CAMTA1: variants seen among roughly 807,000 people sequenced by gnomAD.
CAMTA1 encodes calmodulin-binding transcription activator 1.
Under a neutral mutation model 170.9 loss-of-function variants are expected in CAMTA1, and 27 were observed. The observed-to-expected ratio is 0.16, with a 90% CI of 0.12 to 0.22. CAMTA1 has a LOEUF of 0.22. Among genes scored for constraint, CAMTA1 ranks in the 10% least tolerant of loss-of-function variants. The pLI, the probability that CAMTA1 is intolerant of heterozygous loss-of-function variation, is 1.00. For synonymous variants in CAMTA1, 833 were observed against 891.5 expected (o/e 0.93, Z 1.17); for missense variants, 1,619 against 2,217.2 (o/e 0.73, Z 5.42).
chr1:6,856,990 A>G (rs1662670238), intron 3 of CAMTA1, among the ~76,000 whole-genome samples: 2 of 152,290 alleles, frequency 1.3e-5, no homozygotes, highest in South Asian at 2.1e-4. Flanking sequence ...ACTCACAGCC[A>G]TAGGCCACCT....
At chr1:7,185,402 A>T (rs1309543784) in intron 4 of CAMTA1, among the ~76,000 whole-genome samples, 1 of 152,176 alleles carries the variant, frequency 6.6e-6, no homozygotes, top group Non-Finnish European at 1.5e-5. Context: ...GAGCTGACAC[A>T]CTCATGGAGA....
intron 6 of CAMTA1, among the ~76,000 whole-genome samples, chr1:7,540,800 CA>C (rs2094601556): frequency 6.6e-6 from 1 of 152,164 alleles, no homozygotes; most frequent in African/African-American, 2.4e-5. Context: ...AAACTATTGC[CA>C]AAACCTGAAA....
rs79363549 is a variant in CAMTA1 at position 7,251,767 on chromosome 1, C to T, written c.438+2141C>T. ...GCCTGGGCTTTTATGATAAGCATCCCGGGAGTGCAGAGTGGGCTGGAATGG... is the reference window on the plus strand; with the variant it reads ...GCCTGGGCTTTTATGATAAGCATCCTGGGAGTGCAGAGTGGGCTGGAATGG... On this transcript the variant is annotated intron_variant, in intron 5 of 22. Transcript: ENST00000303635. The surrounding 1 kb of genome is among the most constrained non-coding windows in gnomAD (Gnocchi z 5.1). Among the ~76,000 whole-genome samples the T allele has an allele frequency of 8.7e-3, 1,318 of 152,126 alleles. 23 individuals carry two copies. Among genetic ancestry groups the T allele is most frequent in the African/African-American group, 0.029 (1,219 of 41,468 alleles).
In CAMTA1 at chr1:7,195,573, G is replaced by A. The variant is rs1213537315; in HGVS notation, c.303-53918G>A. 6.6e-6 allele frequency among the ~76,000 whole-genome samples: 1 copy of A among 152,166 alleles called. No individual in the cohort carries two copies. The highest frequency in any genetic ancestry group is 1.5e-5 in the Non-Finnish European group (1 of 68,034). The stretch of plus-strand genomic sequence containing the variant: ...CCAGCAGGCAACAGTGGTTGGCACT[G>A]TGACACTCTCCCGCCACACATGGCA... On this transcript the variant is annotated intron_variant, in intron 4 of 22. Transcript: ENST00000303635. This position sits in a 1 kb window ranked among gnomAD's most constrained non-coding sequence, Gnocchi z 4.1.
chr1:7,290,519 T>C (rs1299276722), intron 5 of CAMTA1, among the ~76,000 whole-genome samples: 1 of 152,198 alleles, frequency 6.6e-6, no homozygotes, highest in East Asian at 1.9e-4. Flanking sequence ...GAAAGTTCCA[T>C]ACCTCTGGGT....
chr1:7,639,259 A>G (rs982677871), intron 6 of CAMTA1, among the ~76,000 whole-genome samples: 5 of 152,236 alleles, frequency 3.3e-5, no homozygotes, highest in African/African-American at 1.2e-4. Flanking sequence ...GATTACAGGC[A>G]TAAGCCACCA....
chr1:7,455,827 G>C lies in CAMTA1; in HGVS notation c.439-12003G>C, dbSNP rs1443099570. Among the ~76,000 whole-genome samples, 2 of 152,242 alleles carry C rather than the reference G, an allele frequency of 1.3e-5. No individual in the cohort carries two copies. The highest frequency in any genetic ancestry group is 4.8e-5 in the African/African-American group (2 of 41,460). ...AGCACTTGGCCCTCCGTGCCGTCCA[G>C]AATGGCCTCGGGGAGTGGGCTCCTG... On this transcript the variant is annotated intron_variant, in intron 5 of 22. Coordinates refer to ENST00000303635, the MANE Select transcript of CAMTA1 (RefSeq NM_015215.4). This position sits in a 1 kb window ranked among gnomAD's most constrained non-coding sequence, Gnocchi z 5.0.
rs1054068260 is a variant in CAMTA1, at chr1:7,634,157, C to T, written c.511-6243C>T. Reference sequence around the variant, plus strand: ...GTGGGTTGGGGAAGGGAGGAGCAGACGTGAGGACACCCGGGAGGAGGGCAC... The same window carrying T: ...GTGGGTTGGGGAAGGGAGGAGCAGATGTGAGGACACCCGGGAGGAGGGCAC... On this transcript the variant is annotated intron_variant, in intron 6 of 22. Coordinates refer to ENST00000303635, the MANE Select transcript of CAMTA1 (RefSeq NM_015215.4). The surrounding 1 kb of genome is among the most constrained non-coding windows in gnomAD (Gnocchi z 6.2). Among the ~76,000 whole-genome samples, 4 of 152,112 alleles carry T rather than the reference C, an allele frequency of 2.6e-5. No individual in the cohort carries two copies. The highest frequency in any genetic ancestry group is 2.1e-4 in the South Asian group (1 of 4,822).
At chr1:6,867,700 A>G (rs189109271) in intron 3 of CAMTA1, among the ~76,000 whole-genome samples, 134 of 152,348 alleles carry the variant, frequency 8.8e-4, no homozygotes, top group African/African-American at 3.1e-3. Flanking sequence ...ACATAGCTCA[A>G]GTGCATTTTT....
At chr1:7,023,765 C>T (rs1259233315) in intron 3 of CAMTA1, among the ~76,000 whole-genome samples, 4 of 152,080 alleles carry the variant, frequency 2.6e-5, no homozygotes, top group Non-Finnish European at 5.9e-5. Flanking sequence ...TGGTGGCTCA[C>T]GCCTGTAATC....
In CAMTA1 at chr1:7,746,080, C is replaced by T. The variant is rs867725984; in HGVS notation, c.4606C>T (p.Arg1536Trp). ...EAARLVQTAF[R>W]KYKGRPLREQ... ...TGCCAGGCTTGTCCAGACAGCTTTC[C>T]GGAAATACAAGGTAAACTAGAACAG... is the stretch of plus-strand genomic sequence containing the variant. Residue 1536 changes from arginine (R) to tryptophan (W), a missense_variant, in exon 18 of 23, where the codon CGG becomes TGG. Transcript: ENST00000303635. 17 of 1,613,854 alleles carry T rather than the reference C, an allele frequency of 1.1e-5. No individual in the cohort carries two copies. The highest frequency in any genetic ancestry group is 6.6e-5 in the South Asian group (6 of 91,072).
intron 6 of CAMTA1, among the ~76,000 whole-genome samples, chr1:7,548,925 G>T (rs1253251114): frequency 7.2e-6 from 1 of 137,946 alleles, no homozygotes; most frequent in Non-Finnish European, 1.6e-5. Flanking sequence ...CCCCTTAGGA[G>T]TGGAAGTGCT....
At chr1:6,835,606 T>A (rs1234809455) in intron 3 of CAMTA1, among the ~76,000 whole-genome samples, 1 of 152,176 alleles carries the variant, frequency 6.6e-6, no homozygotes, top group East Asian at 1.9e-4. Flanking sequence ...TTCTAACAAG[T>A]GCCCAGGTGA....
chr1:7,102,220 C>T (rs1326854307), intron 4 of CAMTA1, among the ~76,000 whole-genome samples: 1 of 152,170 alleles, frequency 6.6e-6, no homozygotes, highest in African/African-American at 2.4e-5. Context: ...CTCCTGACCT[C>T]ACCTGGCAGG....
rs190997252 is a variant in CAMTA1, at chr1:7,554,081, G to A, written c.510+86180G>A. Among the ~76,000 whole-genome samples the A allele has an allele frequency of 4.9e-3, 740 of 149,596 alleles. 1 individual carries two copies. Among genetic ancestry groups the A allele is most frequent in the Non-Finnish European group, 8.9e-3 (598 of 67,304 alleles). Reference sequence around the variant, plus strand: ...GTGTCTGGAAGCATGAGAGAAGAGGGAAATAAATGTAGAAGATGGCCTGGG... The same window carrying A: ...GTGTCTGGAAGCATGAGAGAAGAGGAAAATAAATGTAGAAGATGGCCTGGG... On this transcript the variant is annotated intron_variant, in intron 6 of 22. Coordinates refer to ENST00000303635, the MANE Select transcript of CAMTA1 (RefSeq NM_015215.4).
At chr1:7,605,180 A>G (rs2095476655) in intron 6 of CAMTA1, among the ~76,000 whole-genome samples, 1 of 152,224 alleles carries the variant, frequency 6.6e-6, no homozygotes, top group Non-Finnish European at 1.5e-5. Context: ...CTCCAGCTGC[A>G]TGATGGGGGA....
At chr1:6,945,767 G>C (rs1687467684) in intron 3 of CAMTA1, among the ~76,000 whole-genome samples, 1 of 152,170 alleles carries the variant, frequency 6.6e-6, no homozygotes, top group Non-Finnish European at 1.5e-5. Context: ...ATGGTCTTTT[G>C]TGCCTGGCTT....
At chr1:6,848,831 GT>G (rs1469076785) in intron 3 of CAMTA1, among the ~76,000 whole-genome samples, 1 of 152,208 alleles carries the variant, frequency 6.6e-6, no homozygotes. Context: ...AGAATTTGGG[GT>G]TTATGCACCA....
rs1655250723 is a variant in CAMTA1 at position 7,195,005 on chromosome 1, T to C, written c.303-54486T>C. ...GTGGAGCATCTCATGGACTAAAACG[T>C]GGTAAATTGTCAAACTTCTCAGAGT... On this transcript the variant is annotated intron_variant, in intron 4 of 22. Coordinates refer to ENST00000303635, the MANE Select transcript of CAMTA1 (RefSeq NM_015215.4). The surrounding 1 kb of genome is among the most constrained non-coding windows in gnomAD (Gnocchi z 4.1). Among the ~76,000 whole-genome samples the C allele has an allele frequency of 6.6e-6, 1 of 152,248 alleles. No homozygotes were observed. The highest frequency in any genetic ancestry group is 2.4e-5 in the African/African-American group (1 of 41,532).
Sources: allele counts gnomAD v4.1 joint callset (sites outside exome capture counted in the v4.1 genomes callset), GRCh38; gene constraint gnomAD v4.1.1; non-coding constraint Gnocchi (gnomAD v3.1); transcripts MANE v1.5; gene names NCBI Gene and HGNC (gene_info 2026-07-23, HGNC 2026-07-21).